Variants in ERICH1 observed in about 807,000 individuals in gnomAD.
ERICH1 encodes glutamate rich 1, also known as glutamate-rich protein 1.
In ERICH1, 56 loss-of-function variants were observed where a neutral mutation model predicts 39.6. The ratio of observed to expected loss-of-function variants is 1.41; its 90% confidence interval spans 1.14 to 1.77. ERICH1 has a LOEUF of 1.77. Ranked by LOEUF, ERICH1 falls within the 40% of genes most tolerant of loss-of-function variation. ERICH1 has a pLI of 0.00. For synonymous variants in ERICH1, 313 were observed against 223.6 expected (o/e 1.40, Z -3.57); for missense variants, 826 against 575.4 (o/e 1.44, Z -4.45).
At chr8:688,903 T>A (rs1669664) in intron 3 of ERICH1, among the ~76,000 whole-genome samples, 77,571 of 152,094 alleles carry the variant, frequency 0.51, 19,696 homozygotes, top group Middle Eastern at 0.61. Flanking sequence ...ACCTTTCACC[T>A]GGAGTTTTAC....
At chr8:677,824 G>A (rs1480559192) in intron 3 of ERICH1, among the ~76,000 whole-genome samples, 1 of 152,082 alleles carries the variant, frequency 6.6e-6, no homozygotes, top group Admixed American at 6.6e-5. Flanking sequence ...GGTCACGGGG[G>A]CGACCCTCAT....
intron 4 of ERICH1, 106 bp downstream of exon 4, chr8:673,183 T>A (rs1026913614): frequency 1.5e-6 from 2 of 1,316,400 alleles, no homozygotes; most frequent in Non-Finnish European, 2.0e-6. Context: ...TATTTTACAT[T>A]GAATATTTTT....
chr8:724,960 G>A (rs745436292), intron 1 of ERICH1, among the ~76,000 whole-genome samples: 7 of 152,158 alleles, frequency 4.6e-5, no homozygotes, highest in Admixed American at 2.0e-4. Flanking sequence ...TCTTCCCTGC[G>A]CCAGCCACGA....
chr8:627,635 C>A (rs1312620119), intron 3 of ERICH1, among the ~76,000 whole-genome samples: 2 of 152,232 alleles, frequency 1.3e-5, no homozygotes, highest in Admixed American at 6.5e-5. Flanking sequence ...CTGGCCTTCA[C>A]GGAGGTCCGG....
chr8:662,889 C>G (rs1006708919), downstream of ERICH1, among the ~76,000 whole-genome samples: 17 of 152,232 alleles, frequency 1.1e-4, no homozygotes, highest in African/African-American at 4.1e-4. Context: ...GCGGGCAGGG[C>G]GCCCTGCAGA....
intron 3 of ERICH1, chr8:691,245 C>T (rs1214717549): frequency 6.6e-6 from 1 of 152,086 alleles, no homozygotes; most frequent in African/African-American, 2.4e-5. Context: ...CTCAAGGGCT[C>T]CTGGACACGT....
At chr8:690,469 G>C (rs76626135) in intron 3 of ERICH1, among the ~76,000 whole-genome samples, 1,790 of 152,344 alleles carry the variant, frequency 0.012, 34 homozygotes, top group African/African-American at 0.04. Context: ...CAAAGGGCAG[G>C]CCCTCAGCCT....
chr8:708,695 T>TTTTTTTTTTTG (rs1813971406), intron 2 of ERICH1, among the ~76,000 whole-genome samples: 1 of 129,138 alleles, frequency 7.7e-6, no homozygotes, highest in Non-Finnish European at 1.7e-5. Context: ...TTTTTTTTTT[T>TTTTTTTTTTTG]TTTTTTTTTT....
At chr8:678,047 A>T (rs1805256479) in intron 3 of ERICH1, among the ~76,000 whole-genome samples, 1 of 152,176 alleles carries the variant, frequency 6.6e-6, no homozygotes, top group Non-Finnish European at 1.5e-5. Context: ...ACAGTAATTT[A>T]AAAAGGTGAA....
chr8:700,903 C>A (rs1811962593), intron 2 of ERICH1, among the ~76,000 whole-genome samples: 1 of 152,228 alleles, frequency 6.6e-6, no homozygotes, highest in Non-Finnish European at 1.5e-5. Context: ...GCAAACCTAC[C>A]TTCAATGCAC....
intron 3 of ERICH1, among the ~76,000 whole-genome samples, chr8:636,522 C>A (rs1343054906): frequency 6.6e-6 from 1 of 152,254 alleles, no homozygotes; most frequent in Non-Finnish European, 1.5e-5. Flanking sequence ...CCCACGTGGG[C>A]CCAACAGAGT....
intron 5 of ERICH1, 126 bp downstream of exon 5, chr8:668,472 C>A: frequency 2.3e-6 from 2 of 883,984 alleles, no homozygotes; most frequent in African/African-American, 1.6e-5. Flanking sequence ...CTCTATTCTC[C>A]CATGCCATAT....
At chr8:671,320 CT>C in intron 4 of ERICH1, among the ~76,000 whole-genome samples, 1 of 150,040 alleles carries the variant, frequency 6.7e-6, no homozygotes, top group African/African-American at 2.5e-5. Context: ...CCGGCCCCGG[CT>C]CTAATGTCTG....
At chr8:697,371 C>A (rs1252211998) in intron 2 of ERICH1, among the ~76,000 whole-genome samples, 1 of 152,196 alleles carries the variant, frequency 6.6e-6, no homozygotes, top group Non-Finnish European at 1.5e-5. Flanking sequence ...CCACGAGCAA[C>A]TGAATCGGCA....
Position 668,622 on chromosome 8 carries a change from G to C in ERICH1, c.1234C>G (p.Pro412Ala). The change falls in exon 5 of 6, where the codon CCA becomes GCA. Residue 412 changes from proline (P) to alanine (A), a missense_variant. Pro to Ala is a conservative substitution (Grantham distance 27, BLOSUM62 -1). Transcript: ENST00000262109. ...CCAGGAGGCATCGTGCAATGTTCTG[G>C]GAACATTTCCAGAGCATGCTTCAAT... ...ERLKHALEMF[P>A]EHCTMPPDHA... 6.2e-7 allele frequency: 1 copy of C among 1,614,200 alleles called. No homozygotes were observed. The highest frequency in any genetic ancestry group is 1.1e-5 in the South Asian group (1 of 91,082).
At chr8:716,067 GA>G in intron 1 of ERICH1, 60 bp from the exon 2 acceptor site, 1 of 1,528,892 alleles carries the variant, frequency 6.5e-7, no homozygotes, top group South Asian at 1.3e-5. Flanking sequence ...CAGTTTATCT[GA>G]ATCACACGTG....
chr8:715,993 C>A lies in ERICH1; in HGVS notation c.37G>T (p.Val13Leu). 6.2e-7 allele frequency: 1 copy of A among 1,610,384 alleles called. No homozygotes were observed. Among genetic ancestry groups the A allele is most frequent in the Non-Finnish European group, 8.5e-7 (1 of 1,178,844 alleles). The change falls in exon 2 of 6, where the codon GTG becomes TTG. Residue 13 changes from valine to leucine, a missense_variant. By Grantham distance (32) the Val-to-Leu change is conservative. Coordinates refer to ENST00000262109, the MANE Select transcript of ERICH1 (RefSeq NM_207332.3). Reference sequence around the variant, plus strand: ...ACAGGAGGAAAAAGTCTCTGCAGCACCTTCTCCACAAACACTGTACAGACA... The same window carrying A: ...ACAGGAGGAAAAAGTCTCTGCAGCAACTTCTCCACAAACACTGTACAGACA... ...AHRKHVFVEK[V>L]LQRLFPPVPS... is the part of the protein sequence containing the mutation.
chr8:621,611 T>G (rs336425), intron 3 of ERICH1, among the ~76,000 whole-genome samples: 19,619 of 151,692 alleles, frequency 0.13, 1,539 homozygotes, highest in East Asian at 0.28. Flanking sequence ...CAGAAATAAC[T>G]GACACAGAGA....
chr8:722,816 A>C (rs1309570378), intron 1 of ERICH1, among the ~76,000 whole-genome samples: 1 of 152,220 alleles, frequency 6.6e-6, no homozygotes, highest in East Asian at 1.9e-4. Flanking sequence ...AAAAGGACCT[A>C]TTTCAAAATG....
Sources: gnomAD v4.1 joint callset for allele counts (sites outside exome capture counted in the v4.1 genomes callset) on GRCh38, gnomAD v4.1.1 for gene constraint, MANE v1.5 for transcripts, NCBI Gene and HGNC (gene_info 2026-07-23, HGNC 2026-07-21) for gene names.